CACNA1G: variants seen among roughly 807,000 people sequenced by gnomAD.
CACNA1G encodes voltage-dependent T-type calcium channel subunit alpha-1G.
In CACNA1G, 67 loss-of-function variants were observed where a neutral mutation model predicts 219.4. That is an observed-to-expected ratio of 0.31 (90% CI 0.25 to 0.37). The LOEUF (loss-of-function observed/expected upper bound fraction) is 0.37. CACNA1G is among the 10% of genes least tolerant of loss of function. The pLI, the probability that CACNA1G is intolerant of heterozygous loss-of-function variation, is 1.00. For missense variants in CACNA1G, 2,380 were observed against 3,231.4 expected (o/e 0.74, Z 6.39); for synonymous variants, 1,296 against 1,345.3 (o/e 0.96, Z 0.80).
chr17:50,594,008 C>A (rs189065371), intron 13 of CACNA1G, among the ~76,000 whole-genome samples: 88 of 152,316 alleles, frequency 5.8e-4, no homozygotes, highest in African/African-American at 1.9e-3. Flanking sequence ...GTTGTGGTGG[C>A]CTGGGATTTT....
In CACNA1G at chr17:50,575,589, C is replaced by T. The variant is rs376631282; in HGVS notation, c.1187C>T (p.Thr396Met). ...MINLCLVVIA[T>M]QFSETKQRES... is the part of the protein sequence containing the mutation. ...AACCTGTGCCTGGTGGTGATTGCCA[C>T]GCAGTTCTCAGAGACCAAGCAGCGG... is the stretch of plus-strand genomic sequence containing the variant. Residue 396 changes from threonine (T) to methionine (M), a missense_variant, in exon 8 of 38, where the codon ACG becomes ATG. Coordinates refer to ENST00000359106, the MANE Select transcript of CACNA1G (RefSeq NM_018896.5). The T allele has an allele frequency of 4.3e-6, 7 of 1,613,368 alleles. No homozygotes were observed. The highest frequency in any genetic ancestry group is 5.9e-6 in the Non-Finnish European group (7 of 1,179,692).
At chr17:50,581,039 G>A (rs1311329195) in intron 9 of CACNA1G, among the ~76,000 whole-genome samples, 1 of 151,286 alleles carries the variant, frequency 6.6e-6, no homozygotes, top group Admixed American at 6.6e-5. Flanking sequence ...TGGGGACACA[G>A]AGGGAGACAG....
intron 4 of CACNA1G, 111 bp downstream of exon 4, chr17:50,569,914 T>C (rs556998159): frequency 1.6e-4 from 128 of 778,636 alleles, no homozygotes; most frequent in Middle Eastern, 3.6e-4. Context: ...ACAGGCCCCG[T>C]CAGAGAAGGG....
At chr17:50,567,151 C>T (rs948470730) in intron 1 of CACNA1G, among the ~76,000 whole-genome samples, 6 of 152,372 alleles carry the variant, frequency 3.9e-5, no homozygotes, top group Admixed American at 6.5e-5. Context: ...CACTGCACTC[C>T]GGCTCTACTC....
intron 9 of CACNA1G, among the ~76,000 whole-genome samples, chr17:50,584,704 G>A (rs896028801): frequency 6.6e-6 from 1 of 151,968 alleles, no homozygotes; most frequent in Non-Finnish European, 1.5e-5. Flanking sequence ...GAGAGACAGT[G>A]GGATGCACAA....
intron 5 of CACNA1G, 120 bp downstream of exon 5, chr17:50,572,157 G>T: frequency 8.4e-7 from 1 of 1,186,022 alleles, no homozygotes; most frequent in South Asian, 1.6e-5. Flanking sequence ...GACATATCTG[G>T]TTCTCAAACT....
At position 50,572,788 on chromosome 17, in the gene CACNA1G, G is replaced by A. The variant is rs772821060; in HGVS notation, c.981G>A (p.Glu327=). The part of the protein sequence containing the change: ...NQYYTNCSAG[E]HNPFKGAINF... ...ACTACACCAACTGCTCAGCGGGGGAGCACAACCCCTTCAAGGGCGCCATCA... is the reference window on the plus strand; with the variant it reads ...ACTACACCAACTGCTCAGCGGGGGAACACAACCCCTTCAAGGGCGCCATCA... Residue 327 remains glutamate (E), a synonymous_variant, in exon 6 of 38, where the codon GAG becomes GAA. Transcript: ENST00000359106. 8.1e-6 allele frequency: 13 copies of A among 1,613,870 alleles called. No individual in the cohort carries two copies. The East Asian group carries it at 2.9e-4, about 36-fold the overall frequency.
chr17:50,615,790 C>G (rs1290197358), intron 27 of CACNA1G, among the ~76,000 whole-genome samples: 1 of 152,246 alleles, frequency 6.6e-6, no homozygotes, highest in Non-Finnish European at 1.5e-5. Context: ...CTACTATGAG[C>G]TGCGCTCTGG....
intron 21 of CACNA1G, 81 bp from the exon 22 acceptor site, chr17:50,604,074 G>T: frequency 6.9e-7 from 1 of 1,442,684 alleles, no homozygotes; most frequent in South Asian, 1.4e-5. Context: ...GGTCAAGGTT[G>T]GGGGTGGGGA....
At chr17:50,568,739 C>A in intron 1 of CACNA1G, 131 bp from the exon 2 acceptor site, 2 of 727,800 alleles carry the variant, frequency 2.7e-6, no homozygotes, top group Non-Finnish European at 4.9e-6. Flanking sequence ...GCGTGTATGT[C>A]AGGGCCCTGG....
At chr17:50,625,776 G>C (rs554697977) in intron 37 of CACNA1G, among the ~76,000 whole-genome samples, 1 of 152,282 alleles carries the variant, frequency 6.6e-6, no homozygotes, top group Non-Finnish European at 1.5e-5. Flanking sequence ...CAGGCTTAGG[G>C]GAGACCAGAG....
chr17:50,615,858 G>T (rs540840530), intron 27 of CACNA1G, among the ~76,000 whole-genome samples: 3 of 152,308 alleles, frequency 2.0e-5, no homozygotes, highest in African/African-American at 4.8e-5. Context: ...AGATTCTAGC[G>T]AACGTCCAGC....
intron 1 of CACNA1G, among the ~76,000 whole-genome samples, chr17:50,565,160 G>A (rs1567945469): frequency 6.6e-6 from 1 of 152,042 alleles, no homozygotes; most frequent in African/African-American, 2.4e-5. Flanking sequence ...CACACACACA[G>A]AGTCACAGAC....
At position 50,591,491 on chromosome 17, in the gene CACNA1G, G is replaced by A. The variant is rs1429155368; in HGVS notation, c.2510G>A (p.Arg837His). The change falls in exon 11 of 38, where the codon CGC becomes CAC. Residue 837 changes from arginine to histidine, a missense_variant. By Grantham distance (29) the Arg-to-His change is conservative. Transcript: ENST00000359106. ...GGGLSVLRTF[R>H]LMRVLKLVRF... ...GGCCTGTCGGTGCTGCGGACCTTCC[G>A]CCTGATGCGTGTGCTGAAGCTGGTG... The A allele has an allele frequency of 1.9e-6, 3 of 1,606,662 alleles. No individual in the cohort carries two copies. The highest frequency in any genetic ancestry group is 8.5e-7 in the Non-Finnish European group (1 of 1,177,032).
At chr17:50,592,118 C>T in intron 13 of CACNA1G, 26 bp downstream of exon 13, 1 of 1,595,320 alleles carries the variant, frequency 6.3e-7, no homozygotes, top group Non-Finnish European at 8.5e-7. Flanking sequence ...GCCCACCTCA[C>T]CCTGCCCACA....
In CACNA1G at chr17:50,571,164, A is replaced by G. The variant is rs1598083407; in HGVS notation, c.587-714A>G. On this transcript the variant is annotated intron_variant, in intron 4 of 37. Transcript: ENST00000359106. The surrounding 1 kb of genome is among the most constrained non-coding windows in gnomAD (Gnocchi z 4.3). ...TAAATTGATGGACTTCTGAGAAGAC[A>G]GTATTGTATCTCTTCAGGTCCTGAT... 6.6e-6 allele frequency among the ~76,000 whole-genome samples: 1 copy of G among 152,216 alleles called. No homozygotes were observed. The highest frequency in any genetic ancestry group is 1.9e-4 in the East Asian group (1 of 5,192).
chr17:50,561,331 G>A lies in CACNA1G; in HGVS notation c.-129G>A. On this transcript the variant is annotated 5_prime_UTR_variant, in exon 1 of 38. Coordinates refer to ENST00000359106, the MANE Select transcript of CACNA1G (RefSeq NM_018896.5). ...GCTGGGCTGAACTGGCCCTCCCGGG[G>A]GCTCAGCTTGCGCCCTAGAGCCCAC... The A allele has an allele frequency of 8.4e-7, 1 of 1,192,852 alleles. No homozygotes were observed. Among genetic ancestry groups the A allele is most frequent in the Non-Finnish European group, 1.2e-6 (1 of 860,170 alleles). 73.9% of individuals were successfully genotyped at this position (1,192,852 alleles called of 1,614,324 possible). A position where few individuals can be genotyped will look rare whatever the true frequency, so the allele number is the denominator to read the frequency against.
At chr17:50,581,368 T>C (rs1448358041) in intron 9 of CACNA1G, among the ~76,000 whole-genome samples, 4 of 151,848 alleles carry the variant, frequency 2.6e-5, no homozygotes, top group Non-Finnish European at 5.9e-5. Flanking sequence ...GAGGCAATTG[T>C]GTCCATTGAT....
chr17:50,577,505 G>A (rs747130161), intron 8 of CACNA1G, among the ~76,000 whole-genome samples: 15 of 150,306 alleles, frequency 1.0e-4, no homozygotes, highest in Non-Finnish European at 1.6e-4. Flanking sequence ...GTGTGTGTGC[G>A]TGTGTGCATG....
Sources: allele counts gnomAD v4.1 joint callset (sites outside exome capture counted in the v4.1 genomes callset), GRCh38; gene constraint gnomAD v4.1.1; non-coding constraint Gnocchi (gnomAD v3.1); transcripts MANE v1.5; gene names NCBI Gene and HGNC (gene_info 2026-07-23, HGNC 2026-07-21).